SLC6A6: variants seen among roughly 807,000 people sequenced by gnomAD.
The protein encoded by SLC6A6 is sodium- and chloride-dependent taurine transporter.
In SLC6A6, 16 loss-of-function variants were observed where a neutral mutation model predicts 68.8. That is an observed-to-expected ratio of 0.23 (90% CI 0.16 to 0.35). The LOEUF (loss-of-function observed/expected upper bound fraction) is 0.35, where lower values mean the gene tolerates loss of function less well. Among genes scored for constraint, SLC6A6 ranks in the 10% least tolerant of loss-of-function variants. The probability of loss-of-function intolerance (pLI) is 1.00; values close to 1 mark genes in which losing one functional copy is unlikely to be tolerated. For missense variants in SLC6A6, 474 were observed against 802.8 expected, an observed-to-expected ratio of 0.59 and a Z score of 4.95; for synonymous variants, 312 against 315.4, an observed-to-expected ratio of 0.99 and a Z score of 0.12.
chr3:14,418,164 C>T (rs1302424574), intron 2 of SLC6A6, among the ~76,000 whole-genome samples: 1 of 152,174 alleles, frequency 6.6e-6, no homozygotes, highest in African/African-American at 2.4e-5. Context: ...AAAAGATGGC[C>T]TTGACCCCTT....
At position 14,466,265 on chromosome 3, in the gene SLC6A6, TAAAAAAAAAAA is replaced by T. The variant is rs11310077; in HGVS notation, c.733-238_733-228del. ...TGACAGCGAGGCTCCGTCTCAAATT[TAAAAAAAAAAA>T]AAAAAAAAAAAAGAAATCTGTGAGG... is the stretch of plus-strand genomic sequence containing the variant. On this transcript the variant is annotated intron_variant, in intron 6 of 14. Transcript: ENST00000622186. Among the ~76,000 whole-genome samples, 302 of 110,258 alleles carry T rather than the reference TAAAAAAAAAAA, an allele frequency of 2.7e-3. 3 individuals are homozygous for T. The highest frequency in any genetic ancestry group is 4.9e-3 in the Admixed American group (50 of 10,102). 72.3% of individuals were successfully genotyped at this position (110,258 alleles called of 152,430 possible).
intron 1 of SLC6A6, chr3:14,411,448 T>C (rs1699250719): frequency 6.6e-6 from 1 of 152,296 alleles, no homozygotes; most frequent in East Asian, 1.9e-4. Context: ...CTCTTAACAG[T>C]GCCTGGCACG....
chr3:14,422,004 G>A (rs1699496001), intron 2 of SLC6A6, among the ~76,000 whole-genome samples: 2 of 152,134 alleles, frequency 1.3e-5, no homozygotes, highest in Non-Finnish European at 2.9e-5. Context: ...TAAGGGAGGG[G>A]GCTTTTTCAG....
chr3:14,414,667 A>G (rs1169064420), intron 1 of SLC6A6, among the ~76,000 whole-genome samples: 1 of 152,118 alleles, frequency 6.6e-6, no homozygotes, highest in Non-Finnish European at 1.5e-5. Flanking sequence ...GTGGGACTAC[A>G]GGCATGTGCC....
intron 2 of SLC6A6, among the ~76,000 whole-genome samples, chr3:14,433,472 G>A (rs528856186): frequency 1.7e-4 from 26 of 152,174 alleles, no homozygotes; most frequent in African/African-American, 6.0e-4. Context: ...GAACCCAGGC[G>A]GCCGAGGTGT....
chr3:14,412,415 C>G (rs1360449097), intron 1 of SLC6A6, among the ~76,000 whole-genome samples: 1 of 152,164 alleles, frequency 6.6e-6, no homozygotes, highest in African/African-American at 2.4e-5. Flanking sequence ...TGTGGTGGCT[C>G]ACGCCTGTAA....
Position 14,467,924 on chromosome 3 carries a change from G to C in SLC6A6, c.939G>C (p.Gly313=), listed in dbSNP as rs1011119784. The C allele has an allele frequency of 2.5e-6, 4 of 1,613,842 alleles. No homozygotes were observed. The change falls in exon 8 of 15, where the codon GGG becomes GGC. Residue 313 remains glycine (G), a synonymous_variant. Coordinates refer to ENST00000622186, the MANE Select transcript of SLC6A6 (RefSeq NM_003043.6). ...AICLGAMTSL[G]SYNKYKYNSY... is the part of the protein sequence containing the mutation. Reference sequence around the variant, plus strand: ...GCCTGGGGGCTATGACCTCGCTGGGGAGCTACAACAAGTACAAGTATAACT... The same window carrying C: ...GCCTGGGGGCTATGACCTCGCTGGGCAGCTACAACAAGTACAAGTATAACT...
chr3:14,414,767 G>A lies in SLC6A6; in HGVS notation c.-53-1645G>A, dbSNP rs563346447. ...GTTGGTCTTGAACTCTTGGGCTCAT[G>A]AGCCTTCTGCCTCAGCCTCCAAGAG... On this transcript the variant is annotated intron_variant, in intron 1 of 14. Transcript: ENST00000622186. Among the ~76,000 whole-genome samples, 3 of 152,290 alleles carry A rather than the reference G, an allele frequency of 2.0e-5. 1 individual carries two copies. The South Asian group carries it at 6.2e-4, about 32-fold the overall frequency.
chr3:14,479,207 C>T lies in SLC6A6; in HGVS notation c.1551+22C>T, dbSNP rs750791672. The stretch of plus-strand genomic sequence containing the variant: ...TGTTGTGAGTTCCATTTCTGTGGCT[C>T]TGGCTGGTGGCCTCTTCTCCCTGGG... On this transcript the variant is annotated intron_variant, in intron 13 of 14. Coordinates refer to ENST00000622186, the MANE Select transcript of SLC6A6 (RefSeq NM_003043.6). 41 of 1,460,804 alleles carry T rather than the reference C, an allele frequency of 2.8e-5. No individual in the cohort carries two copies. In the East Asian group the frequency reaches 8.6e-4, roughly 31 times the overall value. 90.5% of individuals were successfully genotyped at this position (1,460,804 alleles called of 1,614,324 possible). A position where few individuals can be genotyped will look rare whatever the true frequency, so the allele number is the denominator to read the frequency against.
chr3:14,471,831 C>A (rs1343970330), intron 9 of SLC6A6, among the ~76,000 whole-genome samples: 1 of 152,244 alleles, frequency 6.6e-6, no homozygotes, highest in East Asian at 1.9e-4. Context: ...TCCCCCGCCT[C>A]CTTCCAGCAA....
At chr3:14,438,879 G>A (rs1021273843) in intron 2 of SLC6A6, among the ~76,000 whole-genome samples, 2 of 152,232 alleles carry the variant, frequency 1.3e-5, no homozygotes, top group Admixed American at 1.3e-4. Flanking sequence ...GAGAAGTGCA[G>A]GGTCTGCAGG....
chr3:14,467,512 A>C lies in SLC6A6; in HGVS notation c.868-341A>C, dbSNP rs542662350. Among the ~76,000 whole-genome samples the C allele has an allele frequency of 6.3e-4, 96 of 152,330 alleles. 2 individuals carry two copies. In the South Asian group the frequency reaches 0.019, roughly 30 times the overall value. ...GGAAATAGCTCTATGGGGTAGGGCA[A>C]AGGAGCCCATTTTATAGATGTGAAA... On this transcript the variant is annotated intron_variant, in intron 7 of 14. Coordinates refer to ENST00000622186, the MANE Select transcript of SLC6A6 (RefSeq NM_003043.6).
At chr3:14,435,784 G>A (rs187075042) in intron 2 of SLC6A6, among the ~76,000 whole-genome samples, 156 of 152,332 alleles carry the variant, frequency 1.0e-3, no homozygotes, top group Non-Finnish European at 1.6e-3. Flanking sequence ...AAAAATGTGT[G>A]TGTGCATATA....
intron 6 of SLC6A6, among the ~76,000 whole-genome samples, chr3:14,462,694 TAAAA>T (rs200732285): frequency 2.0e-5 from 3 of 149,388 alleles, no homozygotes; most frequent in Admixed American, 1.3e-4. Context: ...GACCGTGTCT[TAAAA>T]AAAAAATGTA....
At chr3:14,404,542 G>A (rs893854726) in intron 1 of SLC6A6, among the ~76,000 whole-genome samples, 1 of 152,220 alleles carries the variant, frequency 6.6e-6, no homozygotes, top group African/African-American at 2.4e-5. Context: ...ACTGGTTATA[G>A]AGTAAACCAG....
At chr3:14,435,965 T>G (rs1373176288) in intron 2 of SLC6A6, among the ~76,000 whole-genome samples, 1 of 152,214 alleles carries the variant, frequency 6.6e-6, no homozygotes, top group Non-Finnish European at 1.5e-5. Flanking sequence ...AGTGGACTCC[T>G]GTCCTTTGCC....
At chr3:14,453,652 A>T (rs1700303277) in intron 5 of SLC6A6, among the ~76,000 whole-genome samples, 1 of 152,252 alleles carries the variant, frequency 6.6e-6, no homozygotes, top group African/African-American at 2.4e-5. Flanking sequence ...TTTTAGTGGG[A>T]CAGGCAGACA....
At chr3:14,404,524 TG>T (rs1055125240) in intron 1 of SLC6A6, among the ~76,000 whole-genome samples, 70 of 152,258 alleles carry the variant, frequency 4.6e-4, no homozygotes, top group Admixed American at 2.4e-3. Flanking sequence ...GTAAAATGGG[TG>T]GGGCAGACTG....
Position 14,478,466 on chromosome 3 carries a change from G to A in SLC6A6, c.1348G>A (p.Gly450Ser). 5 of 1,605,182 alleles carry A rather than the reference G, an allele frequency of 3.1e-6. No homozygotes were observed. The highest frequency in any genetic ancestry group is 4.3e-6 in the Non-Finnish European group (5 of 1,172,728). ...YLLGLTMVTE[G>S]GMYVFQLFDY... ...CCTTCTGTGGTTTTTTTCTTCACAGGGTGGCATGTATGTGTTTCAGCTCTT... is the reference window on the plus strand; with the variant it reads ...CCTTCTGTGGTTTTTTTCTTCACAGAGTGGCATGTATGTGTTTCAGCTCTT... The change falls in exon 12 of 15, where the codon GGT (glycine) becomes AGT (serine). Residue 450 changes from glycine (G) to serine (S), a missense_variant and splice_region_variant. Transcript: ENST00000622186.
Sources: gnomAD v4.1 joint callset for allele counts (sites outside exome capture counted in the v4.1 genomes callset) on GRCh38, gnomAD v4.1.1 for gene constraint, MANE v1.5 for transcripts, NCBI Gene and HGNC (gene_info 2026-07-23, HGNC 2026-07-21) for gene names.